DYNC1I1: variants seen among roughly 807,000 people sequenced by gnomAD.
DYNC1I1 encodes dynein cytoplasmic 1 intermediate chain 1.
A neutral mutation model predicts 86.6 loss-of-function variants in DYNC1I1; 43 were observed. The ratio of observed to expected loss-of-function variants is 0.50; its 90% CI spans 0.39 to 0.64. The LOEUF (loss-of-function observed/expected upper bound fraction) is 0.64. Among genes scored for constraint, DYNC1I1 ranks in the 30% least tolerant of loss-of-function variants. The pLI is 0.00. For missense variants in DYNC1I1, 604 were observed against 788.8 expected (o/e 0.77, Z 2.81); for synonymous variants, 262 against 283.7 (o/e 0.92, Z 0.77).
chr7:96,041,367 T>G (rs2375046), intron 14 of DYNC1I1, among the ~76,000 whole-genome samples: 47,403 of 152,086 alleles, frequency 0.31, 8,029 homozygotes, highest in African/African-American at 0.45. Flanking sequence ...CTCATACATT[T>G]CCATTGGAAA....
At chr7:95,888,385 T>C (rs112717350) in intron 6 of DYNC1I1, among the ~76,000 whole-genome samples, 3,776 of 152,228 alleles carry the variant, frequency 0.025, 133 homozygotes, top group African/African-American at 0.078. Context: ...TACAGTGAGC[T>C]GTGATCATGC....
chr7:95,995,161 G>A (rs1489069507), intron 9 of DYNC1I1, among the ~76,000 whole-genome samples: 6 of 151,962 alleles, frequency 3.9e-5, no homozygotes, highest in Admixed American at 6.6e-5. Flanking sequence ...GCAGGAGAAT[G>A]GCGTGAACCC....
chr7:95,977,625 G>A (rs770007831), intron 7 of DYNC1I1, 24 bp downstream of exon 7: 1 of 1,592,162 alleles, frequency 6.3e-7, no homozygotes, highest in South Asian at 1.1e-5. Context: ...AATAAACTGA[G>A]TAATCATTTT....
intron 16 of DYNC1I1, 77 bp downstream of exon 16, chr7:96,080,565 G>T: frequency 2.5e-6 from 4 of 1,612,126 alleles, no homozygotes; most frequent in Non-Finnish European, 3.4e-6. Flanking sequence ...TTATTAGCAA[G>T]AACTTGTAGG....
intron 6 of DYNC1I1, among the ~76,000 whole-genome samples, chr7:95,880,740 A>C (rs1435789167): frequency 7.0e-6 from 1 of 143,602 alleles, no homozygotes; most frequent in Non-Finnish European, 1.5e-5. Flanking sequence ...CCGCCTCCTG[A>C]GTTCAACCGA....
chr7:96,002,716 G>A (rs962384242), intron 10 of DYNC1I1, among the ~76,000 whole-genome samples: 5 of 152,112 alleles, frequency 3.3e-5, no homozygotes, highest in Admixed American at 1.3e-4. Context: ...CTCCAGGGAG[G>A]TACCAATTCA....
At chr7:95,856,882 G>A (rs1789738389) in intron 5 of DYNC1I1, among the ~76,000 whole-genome samples, 1 of 152,130 alleles carries the variant, frequency 6.6e-6, no homozygotes, top group African/African-American at 2.4e-5. Context: ...GGGAGGCTGA[G>A]GCAGGAGAAT....
chr7:96,100,352 TTCCTTTCCTTCCTTCC>T (rs905773251), downstream of DYNC1I1, among the ~76,000 whole-genome samples: 6 of 150,766 alleles, frequency 4.0e-5, no homozygotes, highest in African/African-American at 1.5e-4. Flanking sequence ...CCTTCCTTCC[TTCCTTTCCTTCCTTCC>T]TTCCTTCCTT....
At chr7:96,036,140 C>T (rs559210515) in intron 13 of DYNC1I1, among the ~76,000 whole-genome samples, 3 of 152,276 alleles carry the variant, frequency 2.0e-5, no homozygotes, top group Non-Finnish European at 4.4e-5. Context: ...AGCATTTCTC[C>T]CTTTTTGGCC....
At chr7:96,014,204 G>A (rs972430651) in intron 10 of DYNC1I1, among the ~76,000 whole-genome samples, 8 of 152,176 alleles carry the variant, frequency 5.3e-5, no homozygotes, top group African/African-American at 1.9e-4. Flanking sequence ...AGGGAAGATG[G>A]CCTGTTCTCT....
intron 6 of DYNC1I1, among the ~76,000 whole-genome samples, chr7:95,904,441 T>C (rs1227234559): frequency 6.6e-6 from 1 of 152,020 alleles, no homozygotes. Flanking sequence ...CATTGAGAAA[T>C]TGGTCAGATT....
At chr7:95,953,683 C>A (rs754604126) in intron 6 of DYNC1I1, among the ~76,000 whole-genome samples, 1 of 152,058 alleles carries the variant, frequency 6.6e-6, no homozygotes, top group Non-Finnish European at 1.5e-5. Flanking sequence ...ATGTTAGCAG[C>A]GTGAGGAAGC....
chr7:95,938,781 G>C (rs1334677914), intron 6 of DYNC1I1, among the ~76,000 whole-genome samples: 1 of 152,028 alleles, frequency 6.6e-6, no homozygotes, highest in Admixed American at 6.6e-5. Flanking sequence ...TTGTGGTAGT[G>C]GTAGTAGCAA....
In DYNC1I1 at chr7:96,064,016, G is replaced by T. The variant is rs1316078625; in HGVS notation, c.1510-12041G>T. On this transcript the variant is annotated intron_variant, in intron 14 of 16. Coordinates refer to ENST00000447467, the MANE Select transcript of DYNC1I1 (RefSeq NM_001135556.2). ...TGCAATGTGGTTAGCGGGAGAGGTGGCTTGGCTGATGCTGAATGCAGAGAC... is the reference window on the plus strand; with the variant it reads ...TGCAATGTGGTTAGCGGGAGAGGTGTCTTGGCTGATGCTGAATGCAGAGAC... 2.0e-5 allele frequency among the ~76,000 whole-genome samples: 3 copies of T among 152,140 alleles called. No homozygotes were observed. The East Asian group carries it at 5.8e-4, about 29-fold the overall frequency.
intron 16 of DYNC1I1, among the ~76,000 whole-genome samples, chr7:96,109,354 C>A: frequency 8.6e-6 from 1 of 116,788 alleles, no homozygotes; most frequent in Admixed American, 9.6e-5. Flanking sequence ...CTAATGCTAT[C>A]CCTCCCCCCT....
chr7:96,100,148 G>T (rs1035814065), downstream of DYNC1I1, among the ~76,000 whole-genome samples: 1 of 152,154 alleles, frequency 6.6e-6, no homozygotes, highest in African/African-American at 2.4e-5. Flanking sequence ...CTTCCTGCAT[G>T]CTCTTGCCAG....
At chr7:95,857,005 G>T (rs1003256656) in intron 5 of DYNC1I1, among the ~76,000 whole-genome samples, 3 of 151,940 alleles carry the variant, frequency 2.0e-5, no homozygotes, top group Admixed American at 6.6e-5. Context: ...AAAAGAAAAA[G>T]TTGGTTTGCC....
chr7:95,839,415 G>A (rs1026630183), intron 5 of DYNC1I1, among the ~76,000 whole-genome samples: 2 of 152,078 alleles, frequency 1.3e-5, no homozygotes, highest in Non-Finnish European at 2.9e-5. Context: ...ATTATAGTGA[G>A]CTGATAGCAT....
intron 5 of DYNC1I1, among the ~76,000 whole-genome samples, chr7:95,849,644 GGTA>G (rs1466566666): frequency 6.6e-6 from 1 of 152,152 alleles, no homozygotes; most frequent in African/African-American, 2.4e-5. Flanking sequence ...TTTGAAGTCA[GGTA>G]GTGTGATGCC....
Sources: gnomAD v4.1 joint callset for allele counts (sites outside exome capture counted in the v4.1 genomes callset) on GRCh38, gnomAD v4.1.1 for gene constraint, MANE v1.5 for transcripts, NCBI Gene and HGNC (gene_info 2026-07-23, HGNC 2026-07-21) for gene names.